The following MMP14 variants were observed in gnomAD, a reference collection of about 807,000 sequenced individuals.
MMP14 encodes the protein matrix metalloproteinase-14.
In MMP14, 13 loss-of-function variants were observed where a neutral mutation model predicts 64.8. The ratio of observed to expected loss-of-function variants is 0.20; its 90% CI spans 0.13 to 0.32. The LOEUF is 0.32. MMP14 is among the 10% of genes least tolerant of loss of function. The probability of loss-of-function intolerance (pLI) is 1.00; values close to 1 mark genes in which losing one functional copy is unlikely to be tolerated. For missense variants in MMP14, 594 were observed against 783.8 expected, an observed-to-expected ratio of 0.76 and a Z score of 2.89; for synonymous variants, 322 against 315.9, an observed-to-expected ratio of 1.02 and a Z score of -0.20.
chr14:22,836,756 C>G lies in MMP14; in HGVS notation c.-62C>G. On this transcript the variant is annotated 5_prime_UTR_variant, in exon 1 of 10. Transcript: ENST00000311852. ...GCGCCCCGAGGGAGTGGCGGTGCGACCCCAGGGCGTGGGCCCGGCCGCGGA... is the reference window on the plus strand; with the variant it reads ...GCGCCCCGAGGGAGTGGCGGTGCGAGCCCAGGGCGTGGGCCCGGCCGCGGA... 1 of 1,049,874 alleles carries G rather than the reference C, an allele frequency of 9.5e-7. No homozygotes were observed. Among genetic ancestry groups the G allele is most frequent in the South Asian group, 1.6e-5 (1 of 61,260 alleles). The allele number at this position is 1,049,874 out of a possible 1,614,324, so 65.0% of individuals were successfully genotyped here.
In MMP14 at chr14:22,843,516, C is replaced by CCCCCTGCCAACCTG. The variant is rs2039788355; in HGVS notation, c.850+107_850+120dup. 1.4e-6 allele frequency: 2 copies of CCCCCTGCCAACCTG among 1,468,964 alleles called. No individual in the cohort carries two copies. The highest frequency in any genetic ancestry group is 4.6e-5 in the East Asian group (2 of 43,804). 91.0% of individuals were successfully genotyped at this position (1,468,964 alleles called of 1,614,324 possible). A position where few individuals can be genotyped will look rare whatever the true frequency, so the allele number is the denominator to read the frequency against. ...TTTATGCCTTGCAGTCTCCGCACCG[C>CCCCCTGCCAACCTG]CCCCTGCCAACCTGCCCCTGCCTCT... is the stretch of plus-strand genomic sequence containing the variant. On this transcript the variant is annotated intron_variant, in intron 5 of 9. Transcript: ENST00000311852. This position sits in a 1 kb window ranked among gnomAD's most constrained non-coding sequence, Gnocchi z 4.8.
In MMP14 at chr14:22,841,418, G is replaced by A. The variant is rs1474214424; in HGVS notation, c.109-73G>A. The A allele has an allele frequency of 2.5e-6, 4 of 1,573,768 alleles. No homozygotes were observed. In the African/African-American group the frequency reaches 5.4e-5, roughly 21 times the overall value. ...CTTGCCAAGCCAAGGCTGTATGCTG[G>A]GCATTGTCGGGGAGGTAGAGGCACC... On this transcript the variant is annotated intron_variant, in intron 1 of 9. Transcript: ENST00000311852.
chr14:22,845,140 C>A, intron 8 of MMP14, 111 bp from the exon 9 acceptor site: 3 of 778,214 alleles, frequency 3.9e-6, no homozygotes, highest in Non-Finnish European at 6.4e-6. Context: ...AAACCCCTGT[C>A]CCCACCCTGT....
In MMP14 at chr14:22,843,543, T is replaced by C. The variant is rs2039788555; in HGVS notation, c.850+125T>C. On this transcript the variant is annotated intron_variant, in intron 5 of 9. Coordinates refer to ENST00000311852, the MANE Select transcript of MMP14 (RefSeq NM_004995.4). The surrounding 1 kb of genome is among the most constrained non-coding windows in gnomAD (Gnocchi z 4.8). The stretch of plus-strand genomic sequence containing the variant: ...CCCTGCCAACCTGCCCCTGCCTCTA[T>C]CAGCTCCACTTTTGAGCCCATCTTT... The C allele has an allele frequency of 7.1e-7, 1 of 1,402,100 alleles. No individual in the cohort carries two copies. Among genetic ancestry groups the C allele is most frequent in the South Asian group, 1.3e-5 (1 of 75,646 alleles). The allele number at this position is 1,402,100 out of a possible 1,614,324, so 86.9% of individuals were successfully genotyped here.
At chr14:22,841,233 T>G (rs998465979) in intron 1 of MMP14, among the ~76,000 whole-genome samples, 2 of 152,220 alleles carry the variant, frequency 1.3e-5, no homozygotes. Context: ...ACCAGGGCTC[T>G]CTCTCATTTT....
rs1446692471 is a variant in MMP14, at chr14:22,846,016, C to T, written c.1726C>T (p.Arg576Cys). The change falls in exon 10 of 10, where the codon CGT (arginine) becomes TGT (cysteine). Residue 576 changes from arginine to cysteine, a missense_variant. Physicochemically the swap from Arg to Cys is radical, Grantham distance 180. Around this residue, in one of 4 missense-constraint regions of MMP14, gnomAD observed 364 missense variants for 425.2 expected, o/e 0.86. Coordinates refer to ENST00000311852, the MANE Select transcript of MMP14 (RefSeq NM_004995.4). Reference sequence around the variant, plus strand: ...CCCCAGGCGACTGCTCTACTGCCAGCGTTCCCTGCTGGACAAGGTCTGACG... The same window carrying T: ...CCCCAGGCGACTGCTCTACTGCCAGTGTTCCCTGCTGGACAAGGTCTGACG... ...GTPRRLLYCQ[R>C]SLLDKV 2.7e-6 allele frequency: 4 copies of T among 1,507,216 alleles called. No individual in the cohort carries two copies. The highest frequency in any genetic ancestry group is 3.6e-6 in the Non-Finnish European group (4 of 1,124,490). 93.4% of individuals were successfully genotyped at this position (1,507,216 alleles called of 1,614,324 possible).
intron 1 of MMP14, among the ~76,000 whole-genome samples, chr14:22,838,612 C>G (rs1206375355): frequency 2.0e-5 from 3 of 152,190 alleles, no homozygotes; most frequent in Non-Finnish European, 4.4e-5. Context: ...TTCTTTGACC[C>G]AACATAGTTG....
rs1189188289 is a variant in MMP14 at position 22,842,051 on chromosome 14, A to G, written c.380+16A>G. On this transcript the variant is annotated intron_variant, in intron 3 of 9. Coordinates refer to ENST00000311852, the MANE Select transcript of MMP14 (RefSeq NM_004995.4). The surrounding 1 kb of genome is among the most constrained non-coding windows in gnomAD (Gnocchi z 5.3). ...TCACTTTCTGGTGAGTCCAACAGGC[A>G]AGCAACCTTTCTCACATCTGGTTAT... 2 of 1,614,016 alleles carry G rather than the reference A, an allele frequency of 1.2e-6. No individual in the cohort carries two copies. The highest frequency in any genetic ancestry group is 1.7e-6 in the Non-Finnish European group (2 of 1,179,998).
In MMP14 at chr14:22,840,532, G is replaced by A. The variant is rs1039113206; in HGVS notation, c.109-959G>A. The stretch of plus-strand genomic sequence containing the variant: ...AGAATCTTTTTTTTTTTTTTGAGAC[G>A]GAGTCTTGCTTTGTCTCCCAGGCTG... On this transcript the variant is annotated intron_variant, in intron 1 of 9. Transcript: ENST00000311852. Among the ~76,000 whole-genome samples, 20 of 148,366 alleles carry A rather than the reference G, an allele frequency of 1.3e-4. No homozygotes were observed. The East Asian group carries it at 3.5e-3, about 26-fold the overall frequency.
At chr14:22,840,678 T>C (rs926039814) in intron 1 of MMP14, among the ~76,000 whole-genome samples, 4 of 151,928 alleles carry the variant, frequency 2.6e-5, no homozygotes, top group African/African-American at 9.7e-5. Context: ...CCGGCTAATA[T>C]TTTTTGTATT....
chr14:22,840,799 C>T (rs1036957276), intron 1 of MMP14, among the ~76,000 whole-genome samples: 8 of 152,176 alleles, frequency 5.3e-5, no homozygotes, highest in Non-Finnish European at 7.3e-5. Flanking sequence ...TGTGAGCCAC[C>T]GCGCCCGGCC....
Position 22,845,288 on chromosome 14 carries a change from A to G in MMP14, c.1339A>G (p.Ser447Gly), listed in dbSNP as rs868120409. 1 of 1,613,634 alleles carries G rather than the reference A, an allele frequency of 6.2e-7. No individual in the cohort carries two copies. ...CAACGAAGAGCTCAGGGCAGTGGAT[A>G]GCGAGTACCCCAAGAACATCAAAGT... The part of the protein sequence containing the change: ...RFNEELRAVD[S>G]EYPKNIKVWE... The change falls in exon 9 of 10, where the codon AGC (serine) becomes GGC (glycine). Residue 447 changes from serine to glycine, a missense_variant. By Grantham distance (56) the Ser-to-Gly change is moderately conservative. Transcript: ENST00000311852.
At chr14:22,837,960 G>T (rs2039746943) in intron 1 of MMP14, among the ~76,000 whole-genome samples, 1 of 152,230 alleles carries the variant, frequency 6.6e-6, no homozygotes, top group Admixed American at 6.5e-5. Context: ...GTTGGGAGGG[G>T]CCAGGAAGGG....
chr14:22,840,541 CT>C (rs200582592), intron 1 of MMP14, among the ~76,000 whole-genome samples: 2,329 of 151,040 alleles, frequency 0.015, 62 homozygotes, highest in African/African-American at 0.054. Context: ...CGGAGTCTTG[CT>C]TTGTCTCCCA....
intron 1 of MMP14, among the ~76,000 whole-genome samples, chr14:22,838,203 G>C (rs914390449): frequency 1.3e-5 from 2 of 152,190 alleles, no homozygotes; most frequent in Non-Finnish European, 2.9e-5. Context: ...TCCGGGAGGA[G>C]TCGTCCTCTT....
intron 2 of MMP14, 118 bp from the exon 3 acceptor site, chr14:22,841,795 A>T (rs1273587581): frequency 5.1e-6 from 8 of 1,562,344 alleles, no homozygotes; most frequent in Non-Finnish European, 7.0e-6. Flanking sequence ...CCCTGACCTC[A>T]TAACCTTGGC....
At position 22,836,773 on chromosome 14, in the gene MMP14, G is replaced by A; in HGVS notation, c.-45G>A. ...CGGTGCGACCCCAGGGCGTGGGCCC[G>A]GCCGCGGAGCCCACACTGCCCGGCT... On this transcript the variant is annotated 5_prime_UTR_variant, in exon 1 of 10. Transcript: ENST00000311852. The A allele has an allele frequency of 2.3e-6, 3 of 1,305,718 alleles. No homozygotes were observed. Among genetic ancestry groups the A allele is most frequent in the Non-Finnish European group, 3.2e-6 (3 of 946,276 alleles). The allele number at this position is 1,305,718 out of a possible 1,614,324, so 80.9% of individuals were successfully genotyped here.
chr14:22,842,208 G>A lies in MMP14; in HGVS notation c.380+173G>A. On this transcript the variant is annotated intron_variant, in intron 3 of 9. Coordinates refer to ENST00000311852, the MANE Select transcript of MMP14 (RefSeq NM_004995.4). The surrounding 1 kb of genome is among the most constrained non-coding windows in gnomAD (Gnocchi z 5.3). ...CTTGAGAGAGGTGTAGCCATCAAGG[G>A]TGCACCCCAGTGCCAGAGAGCCAGA... 2 of 1,014,022 alleles carry A rather than the reference G, an allele frequency of 2.0e-6. No individual in the cohort carries two copies. The highest frequency in any genetic ancestry group is 1.6e-5 in the South Asian group (1 of 61,528). 62.8% of individuals were successfully genotyped at this position (1,014,022 alleles called of 1,614,324 possible).
At position 22,841,592 on chromosome 14, in the gene MMP14, G is replaced by A. The variant is rs754059901; in HGVS notation, c.210G>A (p.Lys70=). Residue 70 remains lysine, a synonymous_variant, in exon 2 of 10, where the codon AAG becomes AAA. Coordinates refer to ENST00000311852, the MANE Select transcript of MMP14 (RefSeq NM_004995.4). ...CAGCGGCCATCGCTGCCATGCAGAAGTTTTACGGCTTGCAAGTAACAGGCA... is the reference window on the plus strand; with the variant it reads ...CAGCGGCCATCGCTGCCATGCAGAAATTTTACGGCTTGCAAGTAACAGGCA... ...SLSAAIAAMQ[K]FYGLQVTGKA... The A allele has an allele frequency of 6.2e-7, 1 of 1,614,140 alleles. No homozygotes were observed. The highest frequency in any genetic ancestry group is 1.1e-5 in the South Asian group (1 of 91,080).
Sources: allele counts gnomAD v4.1 joint callset (sites outside exome capture counted in the v4.1 genomes callset), GRCh38; gene constraint gnomAD v4.1.1; regional missense constraint gnomAD v4.1.1; non-coding constraint Gnocchi (gnomAD v3.1); transcripts MANE v1.5; gene names NCBI Gene and HGNC (gene_info 2026-07-23, HGNC 2026-07-21).